Variants in NUDT5 observed in about 807,000 individuals in gnomAD.
The protein encoded by NUDT5 is nudix hydrolase 5, also known as ADP-sugar pyrophosphatase.
In NUDT5, 21 loss-of-function variants were observed where a neutral mutation model predicts 34.1. The observed-to-expected ratio is 0.62, with a 90% CI of 0.44 to 0.89. The LOEUF is 0.89. Ranked by LOEUF, NUDT5 falls within the 40% of genes least tolerant of loss-of-function variation. NUDT5 has a pLI of 0.00. For missense variants in NUDT5, 249 were observed against 274.8 expected (o/e 0.91, Z 0.66); for synonymous variants, 85 against 97.6 (o/e 0.87, Z 0.76).
chr10:12,184,285 G>A (rs1044797381), intron 3 of NUDT5, among the ~76,000 whole-genome samples: 5 of 152,130 alleles, frequency 3.3e-5, no homozygotes, highest in South Asian at 2.1e-4. Context: ...GACCTCAACC[G>A]ATGCCCCCCG....
At chr10:12,184,187 G>C (rs956025875) in intron 3 of NUDT5, among the ~76,000 whole-genome samples, 8 of 152,142 alleles carry the variant, frequency 5.3e-5, no homozygotes, top group African/African-American at 1.9e-4. Flanking sequence ...AAGTAGCTGG[G>C]ATTACAGGGC....
In NUDT5 at chr10:12,175,902, A is replaced by T. The variant is rs1331222680; in HGVS notation, c.289+1891T>A. On this transcript the variant is annotated intron_variant, in intron 5 of 9. Transcript: ENST00000491614. The surrounding 1 kb of genome is among the most constrained non-coding windows in gnomAD (Gnocchi z 4.8). ...CATCTCAAAGAAAAAAGAAAAAGTG[A>T]GAGAAGAATTTATTCACGTTAATAT... is the stretch of plus-strand genomic sequence containing the variant. 6.6e-6 allele frequency among the ~76,000 whole-genome samples: 1 copy of T among 152,094 alleles called. No individual in the cohort carries two copies. Among genetic ancestry groups the T allele is most frequent in the Non-Finnish European group, 1.5e-5 (1 of 68,008 alleles).
At chr10:12,184,357 G>C in intron 3 of NUDT5, 1 of 706,752 alleles carries the variant, frequency 1.4e-6, no homozygotes, top group Non-Finnish European at 2.2e-6. Flanking sequence ...CAACACACCT[G>C]GCCCTTAACA....
chr10:12,194,600 G>A (rs1056249703), intron 1 of NUDT5, among the ~76,000 whole-genome samples: 25 of 152,168 alleles, frequency 1.6e-4, no homozygotes, highest in African/African-American at 5.8e-4. Context: ...CACTTAGCCA[G>A]TAACATTTTT....
rs1834838716 is a variant in NUDT5 at position 12,170,841 on chromosome 10, C to T, written c.496+59G>A. 2 of 1,612,796 alleles carry T rather than the reference C, an allele frequency of 1.2e-6. No homozygotes were observed. The highest frequency in any genetic ancestry group is 2.2e-5 in the East Asian group (1 of 44,884). On this transcript the variant is annotated intron_variant, in intron 8 of 9. Coordinates refer to ENST00000491614, the MANE Select transcript of NUDT5 (RefSeq NM_014142.4). This position sits in a 1 kb window ranked among gnomAD's most constrained non-coding sequence, Gnocchi z 4.9. ...CTACCAAAACAACCCAAAATGTCTG[C>T]AGCCATCACCACTACACTAAGTCAT...
chr10:12,170,426 G>A lies in NUDT5; in HGVS notation c.550+291C>T. 1.6e-6 allele frequency: 1 copy of A among 618,308 alleles called. No homozygotes were observed. 38.3% of individuals were successfully genotyped at this position (618,308 alleles called of 1,614,324 possible). Reference sequence around the variant, plus strand: ...TTGCTATGGACTGAAGGTTTAAAGTGTAGAATCGTTTTGGCTACTCAGCAG... The same window carrying A: ...TTGCTATGGACTGAAGGTTTAAAGTATAGAATCGTTTTGGCTACTCAGCAG... On this transcript the variant is annotated intron_variant, in intron 9 of 9. Coordinates refer to ENST00000491614, the MANE Select transcript of NUDT5 (RefSeq NM_014142.4). This position sits in a 1 kb window ranked among gnomAD's most constrained non-coding sequence, Gnocchi z 4.9.
chr10:12,181,073 T>C lies in NUDT5; in HGVS notation c.132-1941A>G, dbSNP rs1185730070. The stretch of plus-strand genomic sequence containing the variant: ...CTCGGCCCTTCATATCCGTGGGTTC[T>C]GCATTCATGGATTCAACCAACCACC... On this transcript the variant is annotated intron_variant, in intron 3 of 9. Transcript: ENST00000491614. The surrounding 1 kb of genome is among the most constrained non-coding windows in gnomAD (Gnocchi z 5.0). 6.6e-6 allele frequency among the ~76,000 whole-genome samples: 1 copy of C among 152,246 alleles called. No homozygotes were observed. The highest frequency in any genetic ancestry group is 1.5e-5 in the Non-Finnish European group (1 of 68,046).
At position 12,175,758 on chromosome 10, in the gene NUDT5, C is replaced by T. The variant is rs1834938865; in HGVS notation, c.290-1945G>A. Among the ~76,000 whole-genome samples, 1 of 150,684 alleles carries T rather than the reference C, an allele frequency of 6.6e-6. No homozygotes were observed. Among genetic ancestry groups the T allele is most frequent in the African/African-American group, 2.4e-5 (1 of 40,956 alleles). ...GATCAGCCTGGGCAACATGGCAAAA[C>T]CCCATCTCTACAAAAAAATACAAAA... is the stretch of plus-strand genomic sequence containing the variant. On this transcript the variant is annotated intron_variant, in intron 5 of 9. Transcript: ENST00000491614. The surrounding 1 kb of genome is among the most constrained non-coding windows in gnomAD (Gnocchi z 4.8).
intron 4 of NUDT5, 136 bp from the exon 5 acceptor site, chr10:12,178,036 G>A: frequency 1.7e-6 from 1 of 580,546 alleles, no homozygotes. Context: ...AGTTAATATT[G>A]GAAGCTATTT....
At chr10:12,189,625 C>T (rs1394594033) in intron 1 of NUDT5, among the ~76,000 whole-genome samples, 1 of 152,122 alleles carries the variant, frequency 6.6e-6, no homozygotes, top group African/African-American at 2.4e-5. Flanking sequence ...AAGCAGAAGC[C>T]AAATAGTGCC....
In NUDT5 at chr10:12,173,259, A is replaced by C. The variant is rs1834890701; in HGVS notation, c.386-393T>G. 6.6e-6 allele frequency among the ~76,000 whole-genome samples: 1 copy of C among 152,160 alleles called. No homozygotes were observed. Among genetic ancestry groups the C allele is most frequent in the Non-Finnish European group, 1.5e-5 (1 of 68,014 alleles). ...TTTCACTTTGCTCTTATTGCCCAGGATGGAGTGCACTGGCGTGATCTTGGC... is the reference window on the plus strand; with the variant it reads ...TTTCACTTTGCTCTTATTGCCCAGGCTGGAGTGCACTGGCGTGATCTTGGC... On this transcript the variant is annotated intron_variant, in intron 6 of 9. Transcript: ENST00000491614. This position sits in a 1 kb window ranked among gnomAD's most constrained non-coding sequence, Gnocchi z 4.7.
At chr10:12,172,504 T>C in intron 7 of NUDT5, 1 of 510,750 alleles carries the variant, frequency 2.0e-6, no homozygotes, top group African/African-American at 1.9e-5. Flanking sequence ...TATTACTAAG[T>C]GGGAATACAC....
intron 7 of NUDT5, 134 bp downstream of exon 7, chr10:12,172,631 A>G (rs1834876949): frequency 3.1e-6 from 2 of 640,964 alleles, no homozygotes; most frequent in South Asian, 1.9e-5. Flanking sequence ...AGAGACAAGA[A>G]TACTGATGAA....
In NUDT5 at chr10:12,170,288, T is replaced by C. The variant is rs755537235; in HGVS notation, c.550+429A>G. 14 of 1,201,148 alleles carry C rather than the reference T, an allele frequency of 1.2e-5. No homozygotes were observed. The highest frequency in any genetic ancestry group is 1.7e-5 in the Non-Finnish European group (14 of 821,482). The allele number at this position is 1,201,148 out of a possible 1,614,324, so 74.4% of individuals were successfully genotyped here. ...GTATACAGGAAATACCTCAAGTATT[T>C]GTTGAAGGAGCATCATCAATTTCTC... On this transcript the variant is annotated intron_variant, in intron 9 of 9. Coordinates refer to ENST00000491614, the MANE Select transcript of NUDT5 (RefSeq NM_014142.4). This position sits in a 1 kb window ranked among gnomAD's most constrained non-coding sequence, Gnocchi z 4.9.
At position 12,175,233 on chromosome 10, in the gene NUDT5, T is replaced by C. The variant is rs1422828945; in HGVS notation, c.290-1420A>G. ...TACGCGGGAGGCTGAGGCAGGAGAA[T>C]CGCTTGACCCTGTTAGGCGGAGGTT... On this transcript the variant is annotated intron_variant, in intron 5 of 9. Transcript: ENST00000491614. This position sits in a 1 kb window ranked among gnomAD's most constrained non-coding sequence, Gnocchi z 4.8. 1.3e-5 allele frequency among the ~76,000 whole-genome samples: 2 copies of C among 152,098 alleles called. No individual in the cohort carries two copies.
At position 12,167,685 on chromosome 10, in the gene NUDT5, C is replaced by T. The variant is rs1483650835; in HGVS notation, c.*17G>A. On this transcript the variant is annotated 3_prime_UTR_variant, in exon 10 of 10. Transcript: ENST00000491614. The stretch of plus-strand genomic sequence containing the variant: ...TGGTGGTCTCGTTTACAAAAATGGC[C>T]AGTGTCATATTTGGGCTTAAAATTT... 3 of 1,611,332 alleles carry T rather than the reference C, an allele frequency of 1.9e-6. No homozygotes were observed. Among genetic ancestry groups the T allele is most frequent in the African/African-American group, 1.3e-5 (1 of 74,910 alleles).
In NUDT5 at chr10:12,169,785, A is replaced by T; in HGVS notation, c.550+932T>A. The T allele has an allele frequency of 3.7e-6, 1 of 267,466 alleles. No individual in the cohort carries two copies. Among genetic ancestry groups the T allele is most frequent in the Non-Finnish European group, 7.0e-6 (1 of 143,292 alleles). 16.6% of individuals were successfully genotyped at this position (267,466 alleles called of 1,614,324 possible). ...CAATTCAAAACCAGGCGCTCTGCTT[A>T]TTCACTGAAACCGTAAGCTGCTGAA... On this transcript the variant is annotated intron_variant, in intron 9 of 9. Transcript: ENST00000491614. The surrounding 1 kb of genome is among the most constrained non-coding windows in gnomAD (Gnocchi z 4.8).
chr10:12,187,570 C>T lies in NUDT5; in HGVS notation c.-41-1238G>A, dbSNP rs191749705. On this transcript the variant is annotated intron_variant, in intron 1 of 9. Coordinates refer to ENST00000491614, the MANE Select transcript of NUDT5 (RefSeq NM_014142.4). The surrounding 1 kb of genome is among the most constrained non-coding windows in gnomAD (Gnocchi z 5.4). ...TTCAGCTGTATATAGAATTATAGACCCAAAGCCAGTTGTCTATGAAACTGT... is the reference window on the plus strand; with the variant it reads ...TTCAGCTGTATATAGAATTATAGACTCAAAGCCAGTTGTCTATGAAACTGT... Among the ~76,000 whole-genome samples, 169 of 152,178 alleles carry T rather than the reference C, an allele frequency of 1.1e-3. No individual in the cohort carries two copies. The highest frequency in any genetic ancestry group is 3.9e-3 in the African/African-American group (164 of 41,526).
chr10:12,179,515 G>A (rs765400276), intron 3 of NUDT5, among the ~76,000 whole-genome samples: 8 of 152,144 alleles, frequency 5.3e-5, no homozygotes, highest in African/African-American at 1.2e-4. Flanking sequence ...GACTCACCCC[G>A]TCTCTAGGAA....
Sources: allele counts gnomAD v4.1 joint callset (sites outside exome capture counted in the v4.1 genomes callset), GRCh38; gene constraint gnomAD v4.1.1; non-coding constraint Gnocchi (gnomAD v3.1); transcripts MANE v1.5; gene names NCBI Gene and HGNC (gene_info 2026-07-23, HGNC 2026-07-21).